The following ATG4A variants were observed in gnomAD, a reference collection of about 807,000 sequenced individuals.
ATG4A encodes cysteine protease ATG4A.
Under a neutral mutation model 38.4 loss-of-function variants are expected in ATG4A, and 22 were observed. That is an observed-to-expected ratio of 0.57 (90% CI 0.41 to 0.82). ATG4A has a LOEUF of 0.82. Ranked by LOEUF, ATG4A falls within the 40% of genes least tolerant of loss-of-function variation. The pLI is 0.00. For synonymous variants in ATG4A, 86 were observed against 100.7 expected (o/e 0.85, Z 0.88); for missense variants, 220 against 290.0 (o/e 0.76, Z 1.75).
chrX:108,148,996 G>T (rs1445223269), intron 9 of ATG4A, among the ~76,000 whole-genome samples: 1 of 112,874 alleles, frequency 8.9e-6, no homozygotes, highest in Admixed American at 9.3e-5. Context: ...GAGGCAACTA[G>T]AACAGGCCCG....
intron 1 of ATG4A, among the ~76,000 whole-genome samples, chrX:108,104,425 G>A (rs1281092685): frequency 9.1e-6 from 1 of 109,754 alleles, no homozygotes; most frequent in African/African-American, 3.3e-5. Context: ...TAATATTCCT[G>A]GTTGGCAGGT....
chrX:108,095,136 C>T (rs1410971831), intron 1 of ATG4A, among the ~76,000 whole-genome samples: 2 of 112,124 alleles, frequency 1.8e-5, no homozygotes, highest in Non-Finnish European at 3.8e-5. Flanking sequence ...GACAGGGTTT[C>T]GCCATATTGG....
intron 1 of ATG4A, among the ~76,000 whole-genome samples, chrX:108,105,496 C>A (rs1426814158): frequency 9.0e-6 from 1 of 111,056 alleles, no homozygotes; most frequent in Non-Finnish European, 1.9e-5. Context: ...GTGCTAGCTT[C>A]CTAAGTCAGT....
At chrX:108,098,640 C>T (rs2031908645) in intron 1 of ATG4A, among the ~76,000 whole-genome samples, 2 of 111,259 alleles carry the variant, frequency 1.8e-5, no homozygotes. Flanking sequence ...ACCACCTACC[C>T]CCACCATTGA....
At chrX:108,151,961 C>A in intron 11 of ATG4A, 103 bp downstream of exon 11, 1 of 729,453 alleles carries the variant, frequency 1.4e-6, no homozygotes. Flanking sequence ...TCTGATACGA[C>A]TTTACTGCAA....
At position 108,138,007 on chromosome X, in the gene ATG4A, C is replaced by A; in HGVS notation, c.735+16C>A. On this transcript the variant is annotated intron_variant, in intron 8 of 12. Transcript: ENST00000372232. ...TGCATTCAAAGTAAGTCACTTCTTT[C>A]CCTGAGCCCATTGCTGCCTGCCCAT... 1 of 1,201,714 alleles carries A rather than the reference C, an allele frequency of 8.3e-7. No homozygotes were observed. The highest frequency in any genetic ancestry group is 1.1e-6 in the Non-Finnish European group (1 of 889,310).
chrX:108,137,748 A>G, intron 7 of ATG4A, 56 bp from the exon 8 acceptor site: 1 of 1,064,802 alleles, frequency 9.4e-7, no homozygotes, highest in East Asian at 3.1e-5. Flanking sequence ...ATATTGGAAT[A>G]TCTTCTAGGG....
intron 1 of ATG4A, among the ~76,000 whole-genome samples, chrX:108,105,272 G>T (rs2032138179): frequency 9.0e-6 from 1 of 111,677 alleles, no homozygotes; most frequent in South Asian, 3.8e-4. Flanking sequence ...AGCCCAGCTA[G>T]AGATTCTGGG....
At chrX:108,153,511 C>T in intron 12 of ATG4A, 131 bp from the exon 13 acceptor site, 1 of 494,991 alleles carries the variant, frequency 2.0e-6, no homozygotes, top group Non-Finnish European at 3.5e-6. Context: ...AATTGTAAGT[C>T]TCCTCCACAC....
chrX:108,132,594 G>A (rs2032988005), intron 4 of ATG4A, among the ~76,000 whole-genome samples: 1 of 110,803 alleles, frequency 9.0e-6, no homozygotes. Flanking sequence ...TCAGGGAAGT[G>A]ATGTGATTTA....
chrX:108,137,470 C>T (rs917213311), intron 7 of ATG4A, among the ~76,000 whole-genome samples: 5 of 112,537 alleles, frequency 4.4e-5, no homozygotes, highest in Admixed American at 9.3e-5. Flanking sequence ...CTTGTCCAGG[C>T]GTGTGATTCC....
intron 9 of ATG4A, among the ~76,000 whole-genome samples, chrX:108,141,023 T>TATATATAC (rs748937610): frequency 2.4e-5 from 2 of 83,110 alleles, no homozygotes; most frequent in Non-Finnish European, 4.4e-5. Context: ...TATATACACA[T>TATATATAC]ATATATACAT....
chrX:108,142,252 C>CA (rs753285525), intron 9 of ATG4A, among the ~76,000 whole-genome samples: 5 of 110,347 alleles, frequency 4.5e-5, no homozygotes, highest in South Asian at 3.9e-4. Flanking sequence ...ACCAAAAATA[C>CA]AAAAAATTCG....
intron 9 of ATG4A, among the ~76,000 whole-genome samples, chrX:108,138,560 G>A (rs897809243): frequency 3.6e-5 from 4 of 112,046 alleles, no homozygotes; most frequent in African/African-American, 1.3e-4. Context: ...AGGGCCTGCT[G>A]GCTCATTGTT....
rs777595654 is a variant in ATG4A, at chrX:108,100,339, G to C, written c.10+8503G>C. Among the ~76,000 whole-genome samples the C allele has an allele frequency of 4.5e-5, 5 of 111,487 alleles. No individual in the cohort carries two copies. In the South Asian group the frequency reaches 1.9e-3, roughly 42 times the overall value. ...TTGCTGAATTCACTGATTAGTTCTA[G>C]GGGGTTAAAAGGTATTTTTCTAATT... On this transcript the variant is annotated intron_variant, in intron 1 of 12. Coordinates refer to ENST00000372232, the MANE Select transcript of ATG4A (RefSeq NM_052936.5).
intron 1 of ATG4A, among the ~76,000 whole-genome samples, chrX:108,097,036 A>G (rs987396161): frequency 4.5e-5 from 5 of 111,987 alleles, no homozygotes; most frequent in Admixed American, 9.5e-5. Flanking sequence ...AATGCCAATA[A>G]TAACTAGCAT....
chrX:108,106,638 C>T (rs1343808703), intron 1 of ATG4A, among the ~76,000 whole-genome samples: 1 of 111,838 alleles, frequency 8.9e-6, no homozygotes, highest in Non-Finnish European at 1.9e-5. Flanking sequence ...TGATTTTCCC[C>T]TAAAAGATAT....
At chrX:108,124,367 ACTTAAATCCTT>A (rs1230180921) in intron 1 of ATG4A, among the ~76,000 whole-genome samples, 1 of 112,811 alleles carries the variant, frequency 8.9e-6, no homozygotes, top group African/African-American at 3.2e-5. Flanking sequence ...GAGAAGGGCT[ACTTAAATCCTT>A]GAATGACTGG....
intron 4 of ATG4A, among the ~76,000 whole-genome samples, chrX:108,133,159 A>G (rs1352453374): frequency 1.8e-5 from 2 of 112,437 alleles, no homozygotes; most frequent in Admixed American, 1.9e-4. Context: ...AGACAACTGA[A>G]GAGTCTGGAG....
Sources: allele counts gnomAD v4.1 joint callset (sites outside exome capture counted in the v4.1 genomes callset), GRCh38; gene constraint gnomAD v4.1.1; transcripts MANE v1.5; gene names NCBI Gene and HGNC (gene_info 2026-07-23, HGNC 2026-07-21).